RYR1: variants seen among roughly 807,000 people sequenced by gnomAD.
RYR1 encodes the protein ryanodine receptor 1.
A neutral mutation model predicts 583.5 loss-of-function variants in RYR1; 342 were observed. That is an observed-to-expected ratio of 0.59 (90% CI 0.54 to 0.64). The LOEUF (loss-of-function observed/expected upper bound fraction) is 0.64, where lower values mean the gene tolerates loss of function less well. RYR1 is among the 30% of genes least tolerant of loss of function. RYR1 has a pLI of 0.00. For synonymous variants in RYR1, 2,791 were observed against 2,822.5 expected, an observed-to-expected ratio of 0.99 and a Z score of 0.35; for missense variants, 6,032 against 6,917.2, an observed-to-expected ratio of 0.87 and a Z score of 4.54.
chr19:38,529,504 A>G (rs1347002141), intron 76 of RYR1, among the ~76,000 whole-genome samples: 1 of 152,120 alleles, frequency 6.6e-6, no homozygotes, highest in Non-Finnish European at 1.5e-5. Flanking sequence ...AGGAACGTAA[A>G]TGTCACTTTG....
rs1322495337 is a variant in RYR1, at chr19:38,535,227, G to A, written c.11439+7G>A. On this transcript the variant is annotated splice_region_variant and intron_variant, in intron 80 of 105. Coordinates refer to ENST00000359596, the MANE Select transcript of RYR1 (RefSeq NM_000540.3). Reference sequence around the variant, plus strand: ...CAATGCTGAGGTCCAGCAGGTAACAGAGGCAAAGGGACTTCAGAAGAAGGC... The same window carrying A: ...CAATGCTGAGGTCCAGCAGGTAACAAAGGCAAAGGGACTTCAGAAGAAGGC... 1.2e-6 allele frequency: 2 copies of A among 1,614,024 alleles called. No individual in the cohort carries two copies. Among genetic ancestry groups the A allele is most frequent in the African/African-American group, 1.3e-5 (1 of 74,914 alleles).
In RYR1 at chr19:38,523,923, T is replaced by TA. The variant is rs767861590; in HGVS notation, c.10450dup (p.Ile3484AsnfsTer64). The TA allele has an allele frequency of 3.7e-6, 6 of 1,613,668 alleles. No individual in the cohort carries two copies. Among genetic ancestry groups the TA allele is most frequent in the African/African-American group, 1.3e-5 (1 of 74,782 alleles). On this transcript the variant is annotated frameshift_variant, in exon 70 of 106. Transcript: ENST00000359596. LOFTEE classifies it high-confidence loss of function. ...GCGGTCCGGTGAAGCAGGCGGGAGA[T>TA]ATACAGGTCAGCCCCACATCTGGGA...
intron 33 of RYR1, among the ~76,000 whole-genome samples, chr19:38,484,992 G>C (rs1600768039): frequency 6.6e-6 from 1 of 151,636 alleles, no homozygotes; most frequent in Non-Finnish European, 1.5e-5. Context: ...AACAACAAAT[G>C]CTAAGCACTT....
Position 38,560,865 on chromosome 19 carries a change from T to G in RYR1, c.12283-248T>G, listed in dbSNP as rs113203778. Among the ~76,000 whole-genome samples the G allele has an allele frequency of 0.034, 5,145 of 149,202 alleles. 282 individuals carry two copies. Among genetic ancestry groups the G allele is most frequent in the African/African-American group, 0.12 (4,756 of 40,522 alleles). On this transcript the variant is annotated intron_variant, in intron 89 of 105. Coordinates refer to ENST00000359596, the MANE Select transcript of RYR1 (RefSeq NM_000540.3). The stretch of plus-strand genomic sequence containing the variant: ...GAGACCTTATCTCTACAAAAAAAAA[T>G]TAAAATTAAAATTAGCCAGGTGTAG...
chr19:38,488,701 C>T (rs938627694), intron 34 of RYR1, among the ~76,000 whole-genome samples: 2 of 152,070 alleles, frequency 1.3e-5, no homozygotes, highest in African/African-American at 4.8e-5. Context: ...GACGGGGTTT[C>T]ACCATGTTGG....
intron 69 of RYR1, 65 bp downstream of exon 69, chr19:38,523,374 A>G (rs979982970): frequency 1.3e-6 from 2 of 1,598,092 alleles, no homozygotes; most frequent in Non-Finnish European, 1.7e-6. Flanking sequence ...AGGACTTCCT[A>G]CCTGGCCTGT....
chr19:38,452,014 C>A, intron 12 of RYR1, 129 bp downstream of exon 12: 1 of 1,293,266 alleles, frequency 7.7e-7, no homozygotes, highest in Non-Finnish European at 1.1e-6. Context: ...ATGGGCCAAG[C>A]GCAGTGGCTC....
At chr19:38,441,349 A>T (rs181180474) in intron 2 of RYR1, among the ~76,000 whole-genome samples, 161 of 143,778 alleles carry the variant, frequency 1.1e-3, no homozygotes, top group African/African-American at 3.8e-3. Context: ...AAAGTTTTTC[A>T]GGTAACAAGA....
chr19:38,436,903 C>G (rs1305676263), intron 1 of RYR1, among the ~76,000 whole-genome samples: 2 of 152,008 alleles, frequency 1.3e-5, no homozygotes, highest in Non-Finnish European at 2.9e-5. Flanking sequence ...TTTCTCAAAC[C>G]CTGGCCCAAG....
chr19:38,558,036 C>T lies in RYR1; in HGVS notation c.12283-3077C>T, dbSNP rs144447788. ...AATAAAATAAAATACTAGCCAGGCA[C>T]GATGACTCATGCCTGTAATCTCGAT... On this transcript the variant is annotated intron_variant, in intron 89 of 105. Transcript: ENST00000359596. Among the ~76,000 whole-genome samples, 568 of 151,982 alleles carry T rather than the reference C, an allele frequency of 3.7e-3. 2 individuals carry two copies. The highest frequency in any genetic ancestry group is 0.012 in the African/African-American group (493 of 41,452).
intron 89 of RYR1, among the ~76,000 whole-genome samples, chr19:38,558,911 C>T (rs1480281334): frequency 1.3e-5 from 2 of 152,142 alleles, no homozygotes; most frequent in African/African-American, 2.4e-5. Flanking sequence ...GCCAACATGG[C>T]GAAACCCTGT....
At chr19:38,544,431 T>A (rs566462019) in intron 87 of RYR1, among the ~76,000 whole-genome samples, 7 of 152,330 alleles carry the variant, frequency 4.6e-5, no homozygotes, top group African/African-American at 1.7e-4. Context: ...TGCTTCTGTC[T>A]GGTAACTATA....
chr19:38,454,952 G>A (rs1055226174), intron 13 of RYR1, among the ~76,000 whole-genome samples: 2 of 152,028 alleles, frequency 1.3e-5, no homozygotes, highest in African/African-American at 2.4e-5. Flanking sequence ...AGTGCAGGAA[G>A]GGGAAGTATA....
intron 102 of RYR1, 115 bp downstream of exon 102, chr19:38,585,214 T>C: frequency 7.7e-7 from 1 of 1,292,368 alleles, no homozygotes; most frequent in Non-Finnish European, 1.1e-6. Flanking sequence ...CTCTCGCTAC[T>C]GTGAGACCTT....
intron 71 of RYR1, 95 bp downstream of exon 71, chr19:38,525,597 GC>G: frequency 3.0e-6 from 4 of 1,354,088 alleles, no homozygotes; most frequent in South Asian, 1.2e-5. Flanking sequence ...ATGCCACTGA[GC>G]CCCCCAGGTC....
At position 38,587,551 on chromosome 19, in the gene RYR1, T is replaced by A; in HGVS notation, c.*131T>A. ...CTAGTACTGGAAAATAAATCTGTGC[T>A]ACGCCCCCCAGCATCACTGTGTTGG... On this transcript the variant is annotated 3_prime_UTR_variant, in exon 106 of 106. Transcript: ENST00000359596. The A allele has an allele frequency of 1.3e-6, 1 of 785,070 alleles. No individual in the cohort carries two copies. The highest frequency in any genetic ancestry group is 1.5e-5 in the South Asian group (1 of 67,542). The allele number at this position is 785,070 out of a possible 1,614,324, so 48.6% of individuals were successfully genotyped here.
At chr19:38,485,537 T>A (rs16972651) in intron 33 of RYR1, 53 bp from the exon 34 acceptor site, 4 of 1,600,442 alleles carry the variant, frequency 2.5e-6, no homozygotes, top group African/African-American at 1.3e-5. Flanking sequence ...GTGGCTTGAC[T>A]GATGCAGGAG....
chr19:38,511,674 G>C, intron 61 of RYR1, 64 bp downstream of exon 61: 1 of 1,556,140 alleles, frequency 6.4e-7, no homozygotes, highest in Admixed American at 1.7e-5. Context: ...TGAAGAAATA[G>C]CTCCCAGGTT....
Position 38,500,609 on chromosome 19 carries a change from A to C in RYR1, c.7327A>C (p.Ile2443Leu). The change falls in exon 46 of 106, where the codon ATC becomes CTC. Residue 2443 changes from isoleucine to leucine, a missense_variant. Physicochemically the swap from Ile to Leu is conservative, Grantham distance 5. Around this residue, in one of 11 missense-constraint regions of RYR1, gnomAD observed 2,627 missense variants for 2,961.3 expected, o/e 0.89. Transcript: ENST00000359596. This position sits in a 1 kb window ranked among gnomAD's most constrained non-coding sequence, Gnocchi z 5.9. ...LGRCAPEMHL[I>L]QAGKGEALRI... ...TCTCCCTCCCTCTACTCCCCAGCTA[A>C]TCCAAGCCGGCAAGGGTGAGGCCCT... is the stretch of plus-strand genomic sequence containing the variant. 6.2e-7 allele frequency: 1 copy of C among 1,612,646 alleles called. No individual in the cohort carries two copies.
Sources: gnomAD v4.1 joint callset for allele counts (sites outside exome capture counted in the v4.1 genomes callset) on GRCh38, gnomAD v4.1.1 for gene constraint, gnomAD v4.1.1 regional missense constraint, Gnocchi (gnomAD v3.1) non-coding constraint, MANE v1.5 for transcripts, NCBI Gene and HGNC (gene_info 2026-07-23, HGNC 2026-07-21) for gene names.